TASP1: variants seen among roughly 807,000 people sequenced by gnomAD.
TASP1 encodes taspase 1, also known as threonine aspartase 1.
Under a neutral mutation model 56.6 loss-of-function variants are expected in TASP1, and 16 were observed. The observed-to-expected ratio is 0.28, with a 90% CI of 0.19 to 0.43. The LOEUF (loss-of-function observed/expected upper bound fraction) is 0.43. TASP1 is among the 20% of genes least tolerant of loss of function. The pLI is 1.00. For synonymous variants in TASP1, 179 were observed against 184.2 expected (o/e 0.97, Z 0.23); for missense variants, 393 against 511.6 (o/e 0.77, Z 2.24).
intron 7 of TASP1, among the ~76,000 whole-genome samples, chr20:13,564,007 C>T (rs186393412): frequency 6.6e-5 from 10 of 152,212 alleles, no homozygotes; most frequent in Admixed American, 3.3e-4. Flanking sequence ...TGTACTTTTA[C>T]CACTTCTAGT....
chr20:13,436,791 C>T (rs1037478246), intron 11 of TASP1, among the ~76,000 whole-genome samples: 2 of 152,096 alleles, frequency 1.3e-5, no homozygotes, highest in African/African-American at 2.4e-5. Context: ...TTGAGAGACA[C>T]CCCCAAGAAA....
chr20:13,153,485 T>C, the TASP1 span, among the ~76,000 whole-genome samples: 1 of 152,334 alleles, frequency 6.6e-6, no homozygotes, highest in Non-Finnish European at 1.5e-5. Flanking sequence ...GCAGGACTTA[T>C]CTTTGTCTAT....
the TASP1 span, among the ~76,000 whole-genome samples, chr20:13,139,769 C>T: frequency 6.6e-6 from 1 of 152,204 alleles, no homozygotes; most frequent in African/African-American, 2.4e-5. Flanking sequence ...TTTCCTCCGA[C>T]TTTCTGATTC....
chr20:13,138,275 T>C, the TASP1 span, among the ~76,000 whole-genome samples: 1 of 152,194 alleles, frequency 6.6e-6, no homozygotes, highest in South Asian at 2.1e-4. Context: ...AGCATCAGCT[T>C]TGGCCACATC....
chr20:13,530,665 A>G (rs2045186348), intron 9 of TASP1, among the ~76,000 whole-genome samples: 1 of 152,204 alleles, frequency 6.6e-6, no homozygotes, highest in Non-Finnish European at 1.5e-5. Flanking sequence ...TCTAGAAAAG[A>G]ACATTTACAC....
chr20:13,210,436 T>C, the TASP1 span, among the ~76,000 whole-genome samples: 1 of 152,204 alleles, frequency 6.6e-6, no homozygotes, highest in African/African-American at 2.4e-5. Context: ...GGCTAATTAT[T>C]ATATATTCAT....
At chr20:13,160,616 G>A in the TASP1 span, among the ~76,000 whole-genome samples, 1 of 152,182 alleles carries the variant, frequency 6.6e-6, no homozygotes, top group Non-Finnish European at 1.5e-5. Context: ...ATTGTCCCTC[G>A]ATTTCCATTG....
chr20:13,212,139 T>C, the TASP1 span, among the ~76,000 whole-genome samples: 1 of 152,200 alleles, frequency 6.6e-6, no homozygotes, highest in Admixed American at 6.5e-5. Context: ...CCAACTGTTC[T>C]TGCAGTTGGG....
the TASP1 span, among the ~76,000 whole-genome samples, chr20:13,194,527 A>G: frequency 6.7e-6 from 1 of 148,676 alleles, no homozygotes; most frequent in Non-Finnish European, 1.5e-5. Context: ...CAGTGAGTCA[A>G]TAATGTCACC....
At chr20:13,320,580 G>A in the TASP1 span, among the ~76,000 whole-genome samples, 3 of 152,138 alleles carry the variant, frequency 2.0e-5, 1 homozygote, top group African/African-American at 7.2e-5. Context: ...CTTGACAGCA[G>A]GTGAGAGAAA....
At chr20:13,579,447 C>A (rs1202467552) in intron 6 of TASP1, among the ~76,000 whole-genome samples, 1 of 151,988 alleles carries the variant, frequency 6.6e-6, no homozygotes, top group African/African-American at 2.4e-5. Context: ...CAGCTCACTG[C>A]AAGCTCCGCC....
intron 10 of TASP1, among the ~76,000 whole-genome samples, chr20:13,508,860 G>T (rs2044222942): frequency 6.6e-6 from 1 of 152,168 alleles, no homozygotes; most frequent in Non-Finnish European, 1.5e-5. Context: ...AGGATGTGGA[G>T]AAAAGGGAAC....
chr20:13,366,755 C>CA, the TASP1 span, among the ~76,000 whole-genome samples: 1 of 152,172 alleles, frequency 6.6e-6, no homozygotes, highest in African/African-American at 2.4e-5. Context: ...CTCTCTCCGA[C>CA]AAAAGATGGG....
At chr20:13,414,835 T>C (rs959964120) in intron 13 of TASP1, among the ~76,000 whole-genome samples, 5 of 152,090 alleles carry the variant, frequency 3.3e-5, no homozygotes, top group African/African-American at 1.2e-4. Context: ...AAAAGACTTG[T>C]AAAAGAACCT....
At chr20:13,171,781 G>C in the TASP1 span, among the ~76,000 whole-genome samples, 1 of 151,954 alleles carries the variant, frequency 6.6e-6, no homozygotes, top group Non-Finnish European at 1.5e-5. Flanking sequence ...ATACCAAAGT[G>C]GGTAGCCAAG....
intron 6 of TASP1, among the ~76,000 whole-genome samples, chr20:13,571,313 T>G (rs2046705127): frequency 6.6e-6 from 1 of 152,196 alleles, no homozygotes; most frequent in South Asian, 2.1e-4. Context: ...TTGAAATCAT[T>G]TTAGCAGAAG....
the TASP1 span, among the ~76,000 whole-genome samples, chr20:13,307,523 G>C: frequency 6.6e-6 from 1 of 152,110 alleles, no homozygotes; most frequent in African/African-American, 2.4e-5. Flanking sequence ...GAATTTCTTT[G>C]TATGTAAATT....
At chr20:13,308,787 G>A in the TASP1 span, among the ~76,000 whole-genome samples, 6 of 152,142 alleles carry the variant, frequency 3.9e-5, no homozygotes, top group Non-Finnish European at 7.4e-5. Flanking sequence ...TATGATATTC[G>A]GAGGTGCAGC....
chr20:13,594,979 A>AT (rs1200869688), intron 4 of TASP1, among the ~76,000 whole-genome samples: 2 of 152,176 alleles, frequency 1.3e-5, no homozygotes, highest in East Asian at 3.9e-4. Context: ...CCAGAAAGAA[A>AT]TGTCAGGTTA....
Sources: gnomAD v4.1 joint callset for allele counts (sites outside exome capture counted in the v4.1 genomes callset) on GRCh38, gnomAD v4.1.1 for gene constraint, MANE v1.5 for transcripts, NCBI Gene and HGNC (gene_info 2026-07-23, HGNC 2026-07-21) for gene names.